The following SHB variants were observed in gnomAD, a reference collection of about 807,000 sequenced individuals.
The protein encoded by SHB is SH2 domain-containing adapter protein B.
In SHB, 20 loss-of-function variants were observed where a neutral mutation model predicts 52.3. The observed-to-expected ratio is 0.38, with a 90% confidence interval of 0.27 to 0.56. The LOEUF is 0.56. SHB is among the 20% of genes least tolerant of loss of function. SHB has a pLI of 0.71. For missense variants in SHB, 825 were observed against 723.3 expected (o/e 1.14, Z -1.61); for synonymous variants, 397 against 316.5 (o/e 1.25, Z -2.70).
rs531430206 is a variant in SHB at position 38,052,125 on chromosome 9, C to T, written c.717+15804G>A. Among the ~76,000 whole-genome samples, 7 of 152,282 alleles carry T rather than the reference C, an allele frequency of 4.6e-5. 1 individual carries two copies. In the South Asian group the frequency reaches 1.4e-3, roughly 32 times the overall value. On this transcript the variant is annotated intron_variant, in intron 1 of 5. Coordinates refer to ENST00000377707, the MANE Select transcript of SHB (RefSeq NM_003028.3). ...ACATCCTGGAATGTCTCTAACTCCA[C>T]GAGGTGCTGCCATCAGATGGGAGAG...
chr9:38,063,075 C>T (rs1200311024), intron 1 of SHB, among the ~76,000 whole-genome samples: 1 of 152,222 alleles, frequency 6.6e-6, no homozygotes, highest in Non-Finnish European at 1.5e-5. Context: ...TCTGGGGAAT[C>T]AACCAGGAAA....
At chr9:38,011,917 T>C (rs994257249) in intron 2 of SHB, among the ~76,000 whole-genome samples, 12 of 152,030 alleles carry the variant, frequency 7.9e-5, no homozygotes, top group African/African-American at 2.7e-4. Flanking sequence ...AGAGAGGCGA[T>C]GGGGATGGCA....
In SHB at chr9:37,927,671, A is replaced by G. The variant is rs1832265911; in HGVS notation, c.1347-7667T>C. ...GAGAAAACCAACACATTATTAGACA[A>G]GAAGTTTTTAAATGATGAGCGCTCA... On this transcript the variant is annotated intron_variant, in intron 5 of 5. Coordinates refer to ENST00000377707, the MANE Select transcript of SHB (RefSeq NM_003028.3). Among the ~76,000 whole-genome samples the G allele has an allele frequency of 2.6e-5, 4 of 152,216 alleles. No individual in the cohort carries two copies. The South Asian group carries it at 8.3e-4, about 32-fold the overall frequency.
At chr9:37,930,916 C>T (rs544755149) in intron 5 of SHB, among the ~76,000 whole-genome samples, 2 of 152,218 alleles carry the variant, frequency 1.3e-5, no homozygotes, top group South Asian at 4.1e-4. Context: ...TACAAACAGA[C>T]ACATAGACCA....
At chr9:37,973,301 G>A (rs536546845) in intron 3 of SHB, among the ~76,000 whole-genome samples, 7 of 152,230 alleles carry the variant, frequency 4.6e-5, no homozygotes, top group African/African-American at 9.6e-5. Flanking sequence ...TCGGCTCACC[G>A]CAACCTCCAC....
At chr9:38,049,148 T>C (rs1821701464) in intron 1 of SHB, among the ~76,000 whole-genome samples, 1 of 152,190 alleles carries the variant, frequency 6.6e-6, no homozygotes, top group Non-Finnish European at 1.5e-5. Context: ...AGCCTCCCAA[T>C]TAACTGAGAC....
chr9:37,983,049 A>G (rs577269245), intron 2 of SHB, among the ~76,000 whole-genome samples: 2 of 149,332 alleles, frequency 1.3e-5, no homozygotes, highest in South Asian at 4.3e-4. Flanking sequence ...CTGAATGCCC[A>G]GTATGAGAGG....
At position 38,068,619 on chromosome 9, in the gene SHB, G is replaced by T. The variant is rs1169104325; in HGVS notation, c.27C>A (p.Phe9Leu). 2 of 1,487,446 alleles carry T rather than the reference G, an allele frequency of 1.3e-6. No individual in the cohort carries two copies. The highest frequency in any genetic ancestry group is 1.8e-6 in the Non-Finnish European group (2 of 1,129,014). The allele number at this position is 1,487,446 out of a possible 1,614,324, so 92.1% of individuals were successfully genotyped here. ...TCTTGGTCTTGCTGTTGCCCAAGCT[G>T]AAGTACTTGTTTAGCCACTTGGCCA... MAKWLNKY[F>L]SLGNSKTKSP... Residue 9 changes from phenylalanine to leucine, a missense_variant, in exon 1 of 6, where the codon TTC becomes TTA. Phe to Leu is a conservative substitution (Grantham distance 22). Transcript: ENST00000377707.
chr9:38,049,346 T>G (rs757324406), intron 1 of SHB, among the ~76,000 whole-genome samples: 1 of 151,958 alleles, frequency 6.6e-6, no homozygotes, highest in Admixed American at 6.6e-5. Flanking sequence ...TGGTGGCTCA[T>G]GCCTGTAATC....
chr9:37,940,963 A>G (rs1161000743), intron 5 of SHB, among the ~76,000 whole-genome samples: 1 of 152,236 alleles, frequency 6.6e-6, no homozygotes, highest in African/African-American at 2.4e-5. Context: ...CTAGGAGGTC[A>G]GAGAAGTTCA....
chr9:38,001,557 GGACGCTTTGACCT>G (rs2118041249), intron 2 of SHB, among the ~76,000 whole-genome samples: 1 of 152,346 alleles, frequency 6.6e-6, no homozygotes, highest in African/African-American at 2.4e-5. Flanking sequence ...CAAGCCCTTT[GGACGCTTTGACCT>G]GGAAGCCATG....
chr9:38,012,538 T>C (rs1821153075), intron 2 of SHB, among the ~76,000 whole-genome samples: 1 of 152,014 alleles, frequency 6.6e-6, no homozygotes, highest in Admixed American at 6.6e-5. Context: ...TAAGTAAATA[T>C]GGGGGCATAC....
chr9:38,039,776 C>T (rs1057008997), intron 1 of SHB, among the ~76,000 whole-genome samples: 4 of 152,256 alleles, frequency 2.6e-5, no homozygotes, highest in Non-Finnish European at 4.4e-5. Flanking sequence ...CCCACCATCC[C>T]CTCCTGCCTC....
At position 38,051,971 on chromosome 9, in the gene SHB, A is replaced by G. The variant is rs574553829; in HGVS notation, c.717+15958T>C. Among the ~76,000 whole-genome samples, 27 of 152,292 alleles carry G rather than the reference A, an allele frequency of 1.8e-4. No homozygotes were observed. The South Asian group carries it at 5.6e-3, about 32-fold the overall frequency. Reference sequence around the variant, plus strand: ...CTCCCTGCAAGGACGTCCTCTGAAGATCAGCATCCCGCGTTGGCTCAGAGC... The same window carrying G: ...CTCCCTGCAAGGACGTCCTCTGAAGGTCAGCATCCCGCGTTGGCTCAGAGC... On this transcript the variant is annotated intron_variant, in intron 1 of 5. Transcript: ENST00000377707.
At chr9:37,932,210 A>G (rs548048885) in intron 5 of SHB, among the ~76,000 whole-genome samples, 2 of 141,668 alleles carry the variant, frequency 1.4e-5, no homozygotes, top group Middle Eastern at 3.8e-3. Flanking sequence ...TGAACCCAGG[A>G]GGCAGTGAGC....
chr9:38,038,820 A>G (rs1564107997), intron 1 of SHB, among the ~76,000 whole-genome samples: 1 of 152,118 alleles, frequency 6.6e-6, no homozygotes, highest in Non-Finnish European at 1.5e-5. Flanking sequence ...TTGGGGAGTG[A>G]CAGTGGGCAG....
chr9:37,962,917 C>T (rs1413474520), intron 3 of SHB, among the ~76,000 whole-genome samples: 1 of 152,214 alleles, frequency 6.6e-6, no homozygotes, highest in Non-Finnish European at 1.5e-5. Flanking sequence ...GAGGTCAGTG[C>T]TATTACTGCC....
intron 5 of SHB, among the ~76,000 whole-genome samples, chr9:37,920,281 AAAACAAAACAAAAC>A (rs1832162717): frequency 4.8e-5 from 1 of 20,758 alleles, no homozygotes; most frequent in Admixed American, 5.2e-4. Flanking sequence ...TCAGAAAAAC[AAAACAAAACAAAAC>A]AAAACAAAAC....
chr9:38,059,741 A>G (rs1325115770), intron 1 of SHB, among the ~76,000 whole-genome samples: 1 of 151,636 alleles, frequency 6.6e-6, no homozygotes, highest in African/African-American at 2.4e-5. Flanking sequence ...CCTCCACACC[A>G]CCCCGGCACA....
Sources: gnomAD v4.1 joint callset for allele counts (sites outside exome capture counted in the v4.1 genomes callset) on GRCh38, gnomAD v4.1.1 for gene constraint, MANE v1.5 for transcripts, NCBI Gene and HGNC (gene_info 2026-07-23, HGNC 2026-07-21) for gene names.